PMF1: variants seen among roughly 807,000 people sequenced by gnomAD.
PMF1 encodes polyamine-modulated factor 1.
In PMF1, 21 loss-of-function variants were observed where a neutral mutation model predicts 26.7. That is an observed-to-expected ratio of 0.79 (90% CI 0.56 to 1.13). The LOEUF (loss-of-function observed/expected upper bound fraction) is 1.13, where lower values mean the gene tolerates loss of function less well. Among genes scored for constraint, PMF1 ranks in the 50% most tolerant of loss-of-function variants. The pLI is 0.00. For missense variants in PMF1, 266 were observed against 254.9 expected (o/e 1.04, Z -0.30); for synonymous variants, 105 against 101.0 (o/e 1.04, Z -0.24).
intron 4 of PMF1, 95 bp from the exon 5 acceptor site, chr1:156,239,452 TG>T: frequency 2.1e-6 from 2 of 963,058 alleles, no homozygotes; most frequent in Non-Finnish European, 3.3e-6. Context: ...CATATTGTCC[TG>T]GGGGAAACCC....
chr1:156,233,090 G>T (rs1276204976), intron 2 of PMF1, among the ~76,000 whole-genome samples: 2 of 151,338 alleles, frequency 1.3e-5, no homozygotes, highest in African/African-American at 2.4e-5. Flanking sequence ...TAGCTAAAAA[G>T]ATTTTTTAAA....
intron 1 of PMF1, among the ~76,000 whole-genome samples, chr1:156,226,795 A>T (rs576496694): frequency 3.9e-5 from 6 of 152,226 alleles, no homozygotes; most frequent in Non-Finnish European, 8.8e-5. Context: ...TAGGATTTGA[A>T]TCCAGGGAAA....
At chr1:156,214,690 T>C (rs1657590219) in intron 1 of PMF1, among the ~76,000 whole-genome samples, 1 of 151,340 alleles carries the variant, frequency 6.6e-6, no homozygotes, top group Non-Finnish European at 1.5e-5. Flanking sequence ...CTTCGGTGAG[T>C]TATAACAGCC....
At chr1:156,233,789 T>C in intron 3 of PMF1, 61 bp downstream of exon 3, 1 of 1,537,234 alleles carries the variant, frequency 6.5e-7, no homozygotes, top group Non-Finnish European at 8.8e-7. Flanking sequence ...AGCTTTTTTT[T>C]TTTTTTTCTA....
At chr1:156,215,101 A>ACTC (rs35335146) in intron 1 of PMF1, among the ~76,000 whole-genome samples, 63,457 of 151,502 alleles carry the variant, frequency 0.42, 14,749 homozygotes, top group African/African-American at 0.63. Flanking sequence ...CTGGTCTCGA[A>ACTC]CTGAGCTCAA....
chr1:156,214,890 T>A (rs1004837365), intron 1 of PMF1, among the ~76,000 whole-genome samples: 13 of 151,100 alleles, frequency 8.6e-5, no homozygotes, highest in African/African-American at 2.2e-4. Flanking sequence ...TATTATTTTT[T>A]TTTTTTAGGC....
At chr1:156,216,450 T>C (rs1282241389) in intron 1 of PMF1, among the ~76,000 whole-genome samples, 1 of 152,138 alleles carries the variant, frequency 6.6e-6, no homozygotes, top group East Asian at 1.9e-4. Flanking sequence ...GCTGACACGC[T>C]GTCCTCTGGC....
At chr1:156,224,985 C>T (rs1368213483) in intron 1 of PMF1, among the ~76,000 whole-genome samples, 4 of 151,572 alleles carry the variant, frequency 2.6e-5, no homozygotes, top group African/African-American at 7.3e-5. Flanking sequence ...CTGCAACCTC[C>T]GCCTCCCGGG....
At chr1:156,228,602 T>C (rs1159972751) in intron 1 of PMF1, among the ~76,000 whole-genome samples, 1 of 152,154 alleles carries the variant, frequency 6.6e-6, no homozygotes, top group Non-Finnish European at 1.5e-5. Context: ...GCTTCACCCC[T>C]GCCCTGGGCC....
chr1:156,235,435 ATTTTTTT>A (rs36002644), intron 3 of PMF1, among the ~76,000 whole-genome samples: 10 of 69,102 alleles, frequency 1.4e-4, no homozygotes, highest in East Asian at 3.5e-4. Context: ...TTGAAAAATA[ATTTTTTT>A]TTTTTTTTTT....
At chr1:156,232,183 G>A in intron 1 of PMF1, 137 bp from the exon 2 acceptor site, 3 of 735,636 alleles carry the variant, frequency 4.1e-6, no homozygotes, top group Non-Finnish European at 7.1e-6. Context: ...TGAGAGATTT[G>A]CATCCACTGG....
chr1:156,226,011 C>T (rs568697104), intron 1 of PMF1, among the ~76,000 whole-genome samples: 2 of 152,172 alleles, frequency 1.3e-5, no homozygotes, highest in South Asian at 4.2e-4. Context: ...TGTACCACCA[C>T]ACCTGGTTAA....
At chr1:156,229,589 A>C (rs1417039519) in intron 1 of PMF1, among the ~76,000 whole-genome samples, 1 of 141,548 alleles carries the variant, frequency 7.1e-6, no homozygotes. Flanking sequence ...TTTTTTTTTG[A>C]GATGGAGTGT....
Position 156,239,666 on chromosome 1 carries a change from G to A in PMF1, c.*65G>A. 21 of 1,354,062 alleles carry A rather than the reference G, an allele frequency of 1.6e-5. No homozygotes were observed. In the South Asian group the frequency reaches 2.4e-4, roughly 15 times the overall value. 83.9% of individuals were successfully genotyped at this position (1,354,062 alleles called of 1,614,324 possible). A position where few individuals can be genotyped will look rare whatever the true frequency, so the allele number is the denominator to read the frequency against. ...AAGAGCCTGTGGTCCAGCATGCCTGGCCTGGGCGGGCTACCTCTGAGAACG... is the reference window on the plus strand; with the variant it reads ...AAGAGCCTGTGGTCCAGCATGCCTGACCTGGGCGGGCTACCTCTGAGAACG... On this transcript the variant is annotated 3_prime_UTR_variant, in exon 5 of 5. Transcript: ENST00000368277.
intron 1 of PMF1, among the ~76,000 whole-genome samples, chr1:156,228,316 A>G (rs1379529108): frequency 8.9e-6 from 1 of 112,588 alleles, no homozygotes; most frequent in African/African-American, 3.5e-5. Context: ...CTTCTCCCTG[A>G]GTATATTTTT....
rs547992835 is a variant in PMF1 at position 156,239,371 on chromosome 1, G to C, written c.565-177G>C. ...GCTTGCTATAAATACTTGCCGAATG[G>C]TGGGGACTTCCTGATGTGCCTTCAT... On this transcript the variant is annotated intron_variant, in intron 4 of 4. Transcript: ENST00000368277. 6.6e-5 allele frequency among the ~76,000 whole-genome samples: 10 copies of C among 152,318 alleles called. No homozygotes were observed. The East Asian group carries it at 1.7e-3, about 26-fold the overall frequency.
chr1:156,215,687 C>T (rs984428531), intron 1 of PMF1, among the ~76,000 whole-genome samples: 1 of 152,138 alleles, frequency 6.6e-6, no homozygotes, highest in Non-Finnish European at 1.5e-5. Flanking sequence ...CCACAGTGCC[C>T]GTCCCATTTA....
intron 1 of PMF1, among the ~76,000 whole-genome samples, chr1:156,227,294 G>A (rs899800756): frequency 3.3e-5 from 5 of 151,522 alleles, no homozygotes; most frequent in Admixed American, 6.6e-5. Context: ...ACCTGAGATT[G>A]GGAGTTCAAG....
chr1:156,230,296 C>T (rs1019282), intron 1 of PMF1, among the ~76,000 whole-genome samples: 1,847 of 152,294 alleles, frequency 0.012, 15 homozygotes, highest in Middle Eastern at 0.027. Context: ...ACTCGAACAC[C>T]GCTTCATCTG....
Sources: allele counts gnomAD v4.1 joint callset (sites outside exome capture counted in the v4.1 genomes callset), GRCh38; gene constraint gnomAD v4.1.1; transcripts MANE v1.5; gene names NCBI Gene and HGNC (gene_info 2026-07-23, HGNC 2026-07-21).